Variants in LRIG3 observed in about 807,000 individuals in gnomAD.
The protein encoded by LRIG3 is leucine rich repeats and immunoglobulin like domains 3.
Under a neutral mutation model 114.5 loss-of-function variants are expected in LRIG3, and 76 were observed. The observed-to-expected ratio is 0.66, with a 90% CI of 0.55 to 0.80. The LOEUF (loss-of-function observed/expected upper bound fraction) is 0.80, where lower values mean the gene tolerates loss of function less well. LRIG3 is among the 30% of genes least tolerant of loss of function. The pLI is 0.00. For synonymous variants in LRIG3, 512 were observed against 519.8 expected (o/e 0.98, Z 0.20); for missense variants, 1,239 against 1,382.8 (o/e 0.90, Z 1.65).
chr12:58,910,113 C>A lies in LRIG3; in HGVS notation c.383+3869G>T, dbSNP rs142955465. On this transcript the variant is annotated intron_variant, in intron 3 of 18. Coordinates refer to ENST00000320743, the MANE Select transcript of LRIG3 (RefSeq NM_153377.5). ...CTGGGAAGATGACAGGCTATAAAGA[C>A]AATGATGGACTAAGAAATGCTTTAC... 1.5e-3 allele frequency among the ~76,000 whole-genome samples: 226 copies of A among 152,154 alleles called. 4 individuals carry two copies. Among genetic ancestry groups the A allele is most frequent in the African/African-American group, 5.2e-3 (217 of 41,508 alleles).
intron 1 of LRIG3, chr12:58,914,594 G>C: frequency 2.6e-6 from 1 of 390,188 alleles, no homozygotes; most frequent in Non-Finnish European, 4.6e-6. Context: ...GGCACGTGGT[G>C]AACAGATCTT....
In LRIG3 at chr12:58,920,127, G is replaced by C. The variant is rs1274400581; in HGVS notation, c.109C>G (p.Gln37Glu). The C allele has an allele frequency of 1.3e-6, 2 of 1,546,512 alleles. No homozygotes were observed. Among genetic ancestry groups the C allele is most frequent in the East Asian group, 4.9e-5 (2 of 41,148 alleles). ...CGCTCGGCGGCTACCCCAGAGGGCT[G>C]CCCGAGTTCCCCGCGACCGCCGCTG... ...SDSGGRGELG[Q>E]PSGVAAERPC... The change falls in exon 1 of 19, where the codon CAG becomes GAG. Residue 37 changes from glutamine (Q) to glutamate (E), a missense_variant. Coordinates refer to ENST00000320743, the MANE Select transcript of LRIG3 (RefSeq NM_153377.5).
In LRIG3 at chr12:58,882,531, A is replaced by G. The variant is rs372900374; in HGVS notation, c.1480+338T>C. The stretch of plus-strand genomic sequence containing the variant: ...AGCCTCAGAGTTGGGAAGAGAAGAA[A>G]GGAGAGTCCCCATTTCATGGATGCA... On this transcript the variant is annotated intron_variant, in intron 12 of 18. Coordinates refer to ENST00000320743, the MANE Select transcript of LRIG3 (RefSeq NM_153377.5). 2.4e-4 allele frequency among the ~76,000 whole-genome samples: 36 copies of G among 152,324 alleles called. 1 individual carries two copies. In the East Asian group the frequency reaches 4.8e-3, roughly 20 times the overall value.
chr12:58,882,339 TA>T (rs1321005877), intron 12 of LRIG3, among the ~76,000 whole-genome samples: 1 of 152,258 alleles, frequency 6.6e-6, no homozygotes, highest in Non-Finnish European at 1.5e-5. Context: ...TTCAGGTAAC[TA>T]GATTTCTAAT....
At chr12:58,899,642 A>G (rs1240888707) in intron 3 of LRIG3, among the ~76,000 whole-genome samples, 2 of 150,978 alleles carry the variant, frequency 1.3e-5, no homozygotes, top group Non-Finnish European at 3.0e-5. Flanking sequence ...TTCTCCTTCC[A>G]TTTATCTCTG....
chr12:58,910,533 G>A (rs1382885314), intron 3 of LRIG3, among the ~76,000 whole-genome samples: 6 of 152,298 alleles, frequency 3.9e-5, no homozygotes, highest in African/African-American at 1.2e-4. Flanking sequence ...GCATGAACCC[G>A]GGCAGCGGAG....
intron 3 of LRIG3, among the ~76,000 whole-genome samples, chr12:58,892,223 G>T (rs1871480350): frequency 6.6e-6 from 1 of 152,056 alleles, no homozygotes; most frequent in Non-Finnish European, 1.5e-5. Flanking sequence ...ACCATCTTTT[G>T]GCAGGAGAAA....
chr12:58,900,672 T>C lies in LRIG3; in HGVS notation c.384-9876A>G, dbSNP rs186443945. Among the ~76,000 whole-genome samples, 9 of 152,358 alleles carry C rather than the reference T, an allele frequency of 5.9e-5. No individual in the cohort carries two copies. In the East Asian group the frequency reaches 1.7e-3, roughly 29 times the overall value. On this transcript the variant is annotated intron_variant, in intron 3 of 18. Transcript: ENST00000320743. Reference sequence around the variant, plus strand: ...CTACATAAAGAATTTTCACTTCAGATGATAGTACAAACCAGAAAACACTGC... The same window carrying C: ...CTACATAAAGAATTTTCACTTCAGACGATAGTACAAACCAGAAAACACTGC...
chr12:58,905,882 C>A (rs1872046337), intron 3 of LRIG3, among the ~76,000 whole-genome samples: 1 of 152,132 alleles, frequency 6.6e-6, no homozygotes, highest in African/African-American at 2.4e-5. Context: ...AAATAAATTC[C>A]TTTTCTTCAT....
intron 3 of LRIG3, among the ~76,000 whole-genome samples, chr12:58,898,076 CA>C (rs1181428428): frequency 6.6e-6 from 1 of 152,178 alleles, no homozygotes; most frequent in Non-Finnish European, 1.5e-5. Flanking sequence ...AGCTATTGTT[CA>C]AAATGCATAT....
rs1164137754 is a variant in LRIG3, at chr12:58,885,862, C to T, written c.1213G>A (p.Ala405Thr). Residue 405 changes from alanine (A) to threonine (T), a missense_variant, in exon 10 of 19, where the codon GCC (alanine) becomes ACC (threonine). Transcript: ENST00000320743. Reference sequence around the variant, plus strand: ...TCCAATGCATCCAAACCAGTGAAGGCTTTTTTAGTAATAGAACGGATCCGA... The same window carrying T: ...TCCAATGCATCCAAACCAGTGAAGGTTTTTTTAGTAATAGAACGGATCCGA... ...GNRIRSITKK[A>T]FTGLDALEHL... 1.3e-6 allele frequency: 2 copies of T among 1,591,050 alleles called. No individual in the cohort carries two copies. Among genetic ancestry groups the T allele is most frequent in the South Asian group, 2.2e-5 (2 of 89,382 alleles).
intron 3 of LRIG3, among the ~76,000 whole-genome samples, chr12:58,909,211 TTG>T (rs1872180998): frequency 1.3e-5 from 2 of 152,222 alleles, no homozygotes; most frequent in South Asian, 4.1e-4. Context: ...TATTTATTTT[TTG>T]TGTTTCTCCT....
At chr12:58,910,901 C>T (rs1565623891) in intron 3 of LRIG3, among the ~76,000 whole-genome samples, 1 of 152,186 alleles carries the variant, frequency 6.6e-6, no homozygotes, top group Non-Finnish European at 1.5e-5. Flanking sequence ...CACGCAAAGC[C>T]AGAGTTCATA....
Position 58,914,352 on chromosome 12 carries a change from A to T in LRIG3, c.237-16T>A, listed in dbSNP as rs768589929. 3.1e-6 allele frequency: 5 copies of T among 1,597,396 alleles called. No individual in the cohort carries two copies. Among genetic ancestry groups the T allele is most frequent in the Non-Finnish European group, 4.3e-6 (5 of 1,166,154 alleles). Reference sequence around the variant, plus strand: ...ACTTAAGTCCCTATAAGAAAACAAAAATAAAATTATAAGTCATTTCTAAAA... The same window carrying T: ...ACTTAAGTCCCTATAAGAAAACAAATATAAAATTATAAGTCATTTCTAAAA... On this transcript the variant is annotated splice_polypyrimidine_tract_variant and intron_variant, in intron 1 of 18. Coordinates refer to ENST00000320743, the MANE Select transcript of LRIG3 (RefSeq NM_153377.5).
intron 7 of LRIG3, 82 bp downstream of exon 7, chr12:58,888,247 T>A: frequency 6.8e-7 from 1 of 1,479,778 alleles, no homozygotes; most frequent in South Asian, 1.4e-5. Context: ...TATGAAAATT[T>A]CACAGATCAG....
At chr12:58,882,267 T>C (rs1365048108) in intron 12 of LRIG3, among the ~76,000 whole-genome samples, 4 of 152,206 alleles carry the variant, frequency 2.6e-5, no homozygotes, top group Non-Finnish European at 5.9e-5. Flanking sequence ...AGACAGAAAG[T>C]TACACCAGAG....
chr12:58,906,473 AAC>A (rs1393322610), intron 3 of LRIG3, among the ~76,000 whole-genome samples: 1 of 152,200 alleles, frequency 6.6e-6, no homozygotes, highest in African/African-American at 2.4e-5. Flanking sequence ...GTACTCAAGC[AAC>A]AGTCTCTCAA....
At chr12:58,913,831 A>G in intron 3 of LRIG3, 151 bp downstream of exon 3, 1 of 608,386 alleles carries the variant, frequency 1.6e-6, no homozygotes. Flanking sequence ...AGGCTAGAAA[A>G]CAAGTTAACC....
At chr12:58,914,137 A>G (rs1321794246) in intron 2 of LRIG3, 81 bp from the exon 3 acceptor site, 1 of 1,522,034 alleles carries the variant, frequency 6.6e-7, no homozygotes, top group East Asian at 2.2e-5. Flanking sequence ...TTTACATATT[A>G]TTTCAAGATA....
Sources: allele counts gnomAD v4.1 joint callset (sites outside exome capture counted in the v4.1 genomes callset), GRCh38; gene constraint gnomAD v4.1.1; transcripts MANE v1.5; gene names NCBI Gene and HGNC (gene_info 2026-07-23, HGNC 2026-07-21).